Variants in BCL11A observed in about 807,000 individuals in gnomAD.
BCL11A encodes B cell CLL/lymphoma 11A.
BCL11A carries 2 observed loss-of-function variants against 55.9 expected under a neutral mutation model. That is an observed-to-expected ratio of 0.04 (90% CI 0.01 to 0.11). BCL11A has a LOEUF of 0.11. Ranked by LOEUF, BCL11A falls within the 10% of genes least tolerant of loss-of-function variation. BCL11A has a pLI of 1.00. For missense variants in BCL11A, 817 were observed against 1,137.1 expected (o/e 0.72, Z 4.05); for synonymous variants, 465 against 473.4 (o/e 0.98, Z 0.23).
At chr2:60,456,235 A>G (rs924312845), downstream of BCL11A, among the ~76,000 whole-genome samples, 12 of 152,116 alleles carry the variant, frequency 7.9e-5, no homozygotes, top group Admixed American at 3.3e-4. Context: ...GTTTTTTACA[A>G]AAATAAGAAC....
chr2:60,517,394 A>G (rs1336977845), intron 2 of BCL11A, among the ~76,000 whole-genome samples: 1 of 152,230 alleles, frequency 6.6e-6, no homozygotes, highest in Non-Finnish European at 1.5e-5. Flanking sequence ...AGGGCAGAGA[A>G]AACAGGGAAA....
Position 60,461,033 on chromosome 2 carries a change from T to C in BCL11A, c.1879A>G (p.Ser627Gly). 1 of 1,607,702 alleles carries C rather than the reference T, an allele frequency of 6.2e-7. No homozygotes were observed. The highest frequency in any genetic ancestry group is 8.5e-7 in the Non-Finnish European group (1 of 1,176,412). ...LSKKLLLGSP[S>G]SLSPFSKRIK... ...CGCTTAGAGAAGGGGCTCAGCGAGC[T>C]GGGGCTGCCCAGCAGCAGCTTTTTG... The change falls in exon 4 of 4, where the codon AGC (serine) becomes GGC (glycine). Residue 627 changes from serine to glycine, a missense_variant. Coordinates refer to ENST00000642384, the MANE Select transcript of BCL11A (RefSeq NM_022893.4).
downstream of BCL11A, among the ~76,000 whole-genome samples, chr2:60,455,992 G>A (rs1225280889): frequency 6.6e-6 from 1 of 152,040 alleles, no homozygotes; most frequent in Non-Finnish European, 1.5e-5. Context: ...CACCTCCTAT[G>A]TAATATTCTC....
At chr2:60,451,462 A>T (rs1373061161) in exon 5 of BCL11A, 1 of 230,442 alleles carries the variant, frequency 4.3e-6, no homozygotes, top group East Asian at 6.2e-5. Context: ...AATTTTTACC[A>T]CCTGTTTGTA....
At chr2:60,469,159 G>A (rs987947236) in intron 2 of BCL11A, among the ~76,000 whole-genome samples, 24 of 152,154 alleles carry the variant, frequency 1.6e-4, no homozygotes, top group African/African-American at 5.6e-4. Flanking sequence ...AGCAGCAAGG[G>A]GAAAACTGGT....
chr2:60,497,828 C>T (rs1679041035), intron 2 of BCL11A, among the ~76,000 whole-genome samples: 1 of 152,094 alleles, frequency 6.6e-6, no homozygotes, highest in Non-Finnish European at 1.5e-5. Flanking sequence ...GCTGATGATC[C>T]AGTAGAGAAA....
Position 60,461,245 on chromosome 2 carries a change from T to C in BCL11A, c.1667A>G (p.Gln556Arg). 1 of 1,609,434 alleles carries C rather than the reference T, an allele frequency of 6.2e-7. No homozygotes were observed. The highest frequency in any genetic ancestry group is 8.5e-7 in the Non-Finnish European group (1 of 1,179,734). ...CTGGTGGAAGGCCTCGCTGAAGTGC[T>C]GCATGGAGCTGAGCACCATGCCCTG... ...VMQGMVLSSMQHFSEAFHQVL... is the reference protein window; with the variant it reads ...VMQGMVLSSMRHFSEAFHQVL... The change falls in exon 4 of 4, where the codon CAG becomes CGG. Residue 556 changes from glutamine (Q) to arginine (R), a missense_variant. Physicochemically the swap from Gln to Arg is conservative, Grantham distance 43 (BLOSUM62 1). Coordinates refer to ENST00000642384, the MANE Select transcript of BCL11A (RefSeq NM_022893.4).
chr2:60,511,670 A>G (rs1232573562), intron 2 of BCL11A, among the ~76,000 whole-genome samples: 1 of 152,208 alleles, frequency 6.6e-6, no homozygotes, highest in Non-Finnish European at 1.5e-5. Context: ...ATGTTGCACC[A>G]TTTCATGAAA....
chr2:60,533,562 T>G (rs1429684353), intron 2 of BCL11A: 1 of 152,240 alleles, frequency 6.6e-6, no homozygotes, highest in Non-Finnish European at 1.5e-5. Context: ...TATGAAGATT[T>G]TTTTTGACCA....
intron 2 of BCL11A, among the ~76,000 whole-genome samples, chr2:60,539,667 A>G (rs1333100608): frequency 6.6e-6 from 1 of 152,216 alleles, no homozygotes; most frequent in Non-Finnish European, 1.5e-5. Flanking sequence ...CACTTTTAAA[A>G]TTATTATTAT....
rs192344559 is a variant in BCL11A at position 60,459,545 on chromosome 2, C to A, written c.*859G>T. 1.1e-3 allele frequency: 1,095 copies of A among 1,024,068 alleles called. 8 individuals are homozygous for A. In the African/African-American group the frequency reaches 0.017, roughly 16 times the overall value. 63.4% of individuals were successfully genotyped at this position (1,024,068 alleles called of 1,614,324 possible). A position where few individuals can be genotyped will look rare whatever the true frequency, so the allele number is the denominator to read the frequency against. Reference sequence around the variant, plus strand: ...CATAATGGGTCATCTTTTTAGGTAGCCATTGTTGTGAGAAATACAATATAG... The same window carrying A: ...CATAATGGGTCATCTTTTTAGGTAGACATTGTTGTGAGAAATACAATATAG... On this transcript the variant is annotated 3_prime_UTR_variant, in exon 4 of 4. Transcript: ENST00000642384.
intron 2 of BCL11A, among the ~76,000 whole-genome samples, chr2:60,484,964 A>T (rs934671589): frequency 1.7e-5 from 2 of 120,640 alleles, no homozygotes; most frequent in Non-Finnish European, 3.3e-5. Context: ...TTTAGGACTT[A>T]AAAAAAAAAA....
intron 2 of BCL11A, among the ~76,000 whole-genome samples, chr2:60,531,820 C>T (rs1669469515): frequency 6.6e-6 from 1 of 152,212 alleles, no homozygotes; most frequent in Admixed American, 6.5e-5. Flanking sequence ...CCTAACCACC[C>T]TCTCTGCCGG....
intron 2 of BCL11A, among the ~76,000 whole-genome samples, chr2:60,507,409 T>A (rs1422677698): frequency 6.8e-6 from 1 of 147,834 alleles, no homozygotes; most frequent in Non-Finnish European, 1.5e-5. Flanking sequence ...TTGCCTTTCT[T>A]GAAAAGCTAG....
rs1670126763 is a variant in BCL11A, at chr2:60,545,907, C to G, written c.385+64G>C. On this transcript the variant is annotated intron_variant, in intron 2 of 3. Coordinates refer to ENST00000642384, the MANE Select transcript of BCL11A (RefSeq NM_022893.4). The stretch of plus-strand genomic sequence containing the variant: ...CACTTCACAACTCCTTACTGCTTGG[C>G]TACAGCACCTCTGAAAATGAAAAGA... 6 of 1,442,296 alleles carry G rather than the reference C, an allele frequency of 4.2e-6. No individual in the cohort carries two copies. The South Asian group carries it at 7.6e-5, about 18-fold the overall frequency. The allele number at this position is 1,442,296 out of a possible 1,614,324, so 89.3% of individuals were successfully genotyped here. A position where few individuals can be genotyped will look rare whatever the true frequency, so the allele number is the denominator to read the frequency against.
chr2:60,461,455 T>C lies in BCL11A; in HGVS notation c.1457A>G (p.Glu486Gly). The C allele has an allele frequency of 6.2e-7, 1 of 1,604,478 alleles. No homozygotes were observed. The highest frequency in any genetic ancestry group is 8.5e-7 in the Non-Finnish European group (1 of 1,179,450). The change falls in exon 4 of 4, where the codon GAG becomes GGG. Residue 486 changes from glutamate (E) to glycine (G), a missense_variant. Glu to Gly is a moderately conservative substitution (Grantham distance 98). Around this residue, in one of 4 missense-constraint regions of BCL11A, gnomAD observed 379 missense variants for 425.3 expected, o/e 0.89. Coordinates refer to ENST00000642384, the MANE Select transcript of BCL11A (RefSeq NM_022893.4). ...CTCTTCCTCGTCGTCCTCCTCTTCC[T>C]CCTCGTCCCCGTTCTCCGGGATCAG... ...PNLIPENGDEEEEEDDEEEEE... is the reference protein window; with the variant it reads ...PNLIPENGDEGEEEDDEEEEE...
chr2:60,464,279 A>G (rs1180272281), intron 3 of BCL11A, among the ~76,000 whole-genome samples: 1 of 152,258 alleles, frequency 6.6e-6, no homozygotes, highest in Non-Finnish European at 1.5e-5. Context: ...AAACGCTGAC[A>G]TTAGTATCAC....
intron 2 of BCL11A, among the ~76,000 whole-genome samples, chr2:60,478,796 C>A (rs565685706): frequency 6.6e-6 from 1 of 152,370 alleles, no homozygotes; most frequent in South Asian, 2.1e-4. Flanking sequence ...GACGGCAAGT[C>A]CTTCTTTCAG....
At chr2:60,550,348 G>T (rs985309481) in intron 1 of BCL11A, among the ~76,000 whole-genome samples, 4 of 152,158 alleles carry the variant, frequency 2.6e-5, no homozygotes, top group Non-Finnish European at 5.9e-5. Flanking sequence ...GAAGAACAAA[G>T]ACATACGGGG....
Sources: allele counts gnomAD v4.1 joint callset (sites outside exome capture counted in the v4.1 genomes callset), GRCh38; gene constraint gnomAD v4.1.1; regional missense constraint gnomAD v4.1.1; transcripts MANE v1.5; gene names NCBI Gene and HGNC (gene_info 2026-07-23, HGNC 2026-07-21).